The following AKT3 variants were observed in gnomAD, a reference collection of about 807,000 sequenced individuals.
AKT3 encodes the protein AKT serine/threonine kinase 3.
AKT3 carries 15 observed loss-of-function variants against 65.3 expected under a neutral mutation model. The observed-to-expected ratio is 0.23, with a 90% CI of 0.15 to 0.35. AKT3 has a LOEUF of 0.35. AKT3 is among the 10% of genes least tolerant of loss of function. The probability of loss-of-function intolerance (pLI) is 1.00; values close to 1 mark genes in which losing one functional copy is unlikely to be tolerated. For missense variants in AKT3, 243 were observed against 576.5 expected (o/e 0.42, Z 5.92); for synonymous variants, 206 against 183.8 (o/e 1.12, Z -0.98).
At chr1:243,516,423 C>T (rs1670357857) in intron 12 of AKT3, among the ~76,000 whole-genome samples, 1 of 152,092 alleles carries the variant, frequency 6.6e-6, no homozygotes, top group African/African-American at 2.4e-5. Context: ...TTCTCAAAAG[C>T]CCAGTTTTCC....
chr1:243,543,251 A>G (rs1672438236), intron 12 of AKT3, among the ~76,000 whole-genome samples: 1 of 152,126 alleles, frequency 6.6e-6, no homozygotes, highest in African/African-American at 2.4e-5. Context: ...CCTTACTGGT[A>G]TACTGGTTGG....
At chr1:243,608,985 C>T (rs1677659108) in intron 8 of AKT3, among the ~76,000 whole-genome samples, 1 of 151,688 alleles carries the variant, frequency 6.6e-6, no homozygotes, top group South Asian at 2.1e-4. Context: ...AACTCCTGAC[C>T]TCGTGATCTG....
rs569333009 is a variant in AKT3 at position 243,492,226 on chromosome 1, C to T, written c.*7-3776G>A. Among the ~76,000 whole-genome samples the T allele has an allele frequency of 3.0e-4, 46 of 151,914 alleles. 2 individuals are homozygous for T. The South Asian group carries it at 8.6e-3, about 28-fold the overall frequency. ...TGGCCACGAGAACCCCCATCCTCCC[C>T]GCTCCCCGGCGCTGTCTGCGGTGGG... On this transcript the variant is annotated intron_variant, in intron 13 of 13. Transcript: ENST00000336199.
chr1:243,615,174 A>T lies in AKT3; in HGVS notation c.562-13T>A. The T allele has an allele frequency of 6.3e-7, 1 of 1,597,890 alleles. No individual in the cohort carries two copies. Among genetic ancestry groups the T allele is most frequent in the Non-Finnish European group, 8.5e-7 (1 of 1,169,850 alleles). On this transcript the variant is annotated splice_polypyrimidine_tract_variant and intron_variant, in intron 6 of 13. Transcript: ENST00000673466. ...GTGCCACTTCATCCTACAAAAGAAAAAAAGCAAACCTTCAATATATGTTTT... is the reference window on the plus strand; with the variant it reads ...GTGCCACTTCATCCTACAAAAGAAATAAAGCAAACCTTCAATATATGTTTT...
At chr1:243,753,998 C>T (rs1688970880) in intron 2 of AKT3, among the ~76,000 whole-genome samples, 1 of 152,146 alleles carries the variant, frequency 6.6e-6, no homozygotes, top group African/African-American at 2.4e-5. Flanking sequence ...GTCTTATTCT[C>T]TGGGTAGATA....
intron 2 of AKT3, among the ~76,000 whole-genome samples, chr1:243,731,964 CA>C (rs1281131364): frequency 6.6e-6 from 1 of 152,204 alleles, no homozygotes. Context: ...ACCACCTTCA[CA>C]ATTTGTGTCA....
chr1:243,773,944 C>G (rs767560132), intron 2 of AKT3, among the ~76,000 whole-genome samples: 1 of 152,154 alleles, frequency 6.6e-6, no homozygotes, highest in African/African-American at 2.4e-5. Context: ...GTTTATTCAT[C>G]ATTTTTAAGA....
chr1:243,667,468 T>C (rs921224623), intron 3 of AKT3, among the ~76,000 whole-genome samples: 2 of 152,134 alleles, frequency 1.3e-5, no homozygotes, highest in Non-Finnish European at 2.9e-5. Context: ...GAGTCCTCTC[T>C]TCCCTGACAT....
chr1:243,846,369 G>C (rs1695523502), intron 1 of AKT3, among the ~76,000 whole-genome samples: 2 of 151,808 alleles, frequency 1.3e-5, no homozygotes, highest in South Asian at 4.2e-4. Context: ...ATCTAATATA[G>C]GGAAGAAAAA....
chr1:243,797,726 T>C (rs1692109181), intron 2 of AKT3, among the ~76,000 whole-genome samples: 1 of 152,070 alleles, frequency 6.6e-6, no homozygotes. Context: ...CATAAAGGAA[T>C]GCCTGATAAC....
intron 2 of AKT3, among the ~76,000 whole-genome samples, chr1:243,779,717 T>C (rs1360066379): frequency 6.6e-6 from 1 of 152,088 alleles, no homozygotes; most frequent in Non-Finnish European, 1.5e-5. Flanking sequence ...AAGTTAATAC[T>C]ATTTTCCACT....
At chr1:243,506,440 T>G (rs1669672944) in intron 13 of AKT3, among the ~76,000 whole-genome samples, 1 of 152,248 alleles carries the variant, frequency 6.6e-6, no homozygotes, top group Non-Finnish European at 1.5e-5. Flanking sequence ...ATCCGCTGGA[T>G]GTGGGTGTAA....
At chr1:243,828,292 T>C (rs1694298071) in intron 2 of AKT3, among the ~76,000 whole-genome samples, 1 of 152,164 alleles carries the variant, frequency 6.6e-6, no homozygotes, top group South Asian at 2.1e-4. Flanking sequence ...CCATATAAAG[T>C]AGGCACTTTT....
Position 243,504,655 on chromosome 1 carries a change from T to G in AKT3, c.*594A>C, listed in dbSNP as rs1669547122. ...AAAAAATTATATATATATATATATATCCCAACAGTTGTTCAGTCCTTCTAC... is the reference window on the plus strand; with the variant it reads ...AAAAAATTATATATATATATATATAGCCCAACAGTTGTTCAGTCCTTCTAC... On this transcript the variant is annotated 3_prime_UTR_variant, in exon 14 of 14. Coordinates refer to ENST00000673466, the MANE Select transcript of AKT3 (RefSeq NM_005465.7). 5.8e-6 allele frequency: 1 copy of G among 173,870 alleles called. No homozygotes were observed. The highest frequency in any genetic ancestry group is 2.4e-5 in the African/African-American group (1 of 41,620). The allele number at this position is 173,870 out of a possible 1,614,324, so 10.8% of individuals were successfully genotyped here.
intron 12 of AKT3, 40 bp from the exon 13 acceptor site, chr1:243,512,466 A>C: frequency 8.3e-7 from 1 of 1,206,804 alleles, no homozygotes; most frequent in Non-Finnish European, 1.2e-6. Flanking sequence ...AACTGATTTC[A>C]ATTCAGGAAA....
intron 2 of AKT3, 135 bp from the exon 3 acceptor site, chr1:243,695,851 T>C (rs1181744697): frequency 3.1e-6 from 2 of 647,530 alleles, no homozygotes; most frequent in Non-Finnish European, 4.4e-6. Flanking sequence ...TCTTTTAACT[T>C]AGCTTACAAA....
In AKT3 at chr1:243,502,929, G is replaced by A. The variant is rs1037049717; in HGVS notation, c.*2320C>T. ...ACAAAAAGCTGTGTGCTTAGTGTTC[G>A]GTGTCATGCTTTCCCTCTAGAGGAG... On this transcript the variant is annotated 3_prime_UTR_variant, in exon 14 of 14. Coordinates refer to ENST00000673466, the MANE Select transcript of AKT3 (RefSeq NM_005465.7). 1.3e-5 allele frequency: 3 copies of A among 233,132 alleles called. No homozygotes were observed. Among genetic ancestry groups the A allele is most frequent in the African/African-American group, 2.2e-5 (1 of 45,330 alleles). The allele number at this position is 233,132 out of a possible 1,614,324, so 14.4% of individuals were successfully genotyped here.
Position 243,682,282 on chromosome 1 carries a change from C to T in AKT3, c.172+13309G>A, listed in dbSNP as rs374634018. Among the ~76,000 whole-genome samples, 14 of 152,148 alleles carry T rather than the reference C, an allele frequency of 9.2e-5. No homozygotes were observed. The East Asian group carries it at 2.3e-3, about 25-fold the overall frequency. On this transcript the variant is annotated intron_variant, in intron 3 of 13. Transcript: ENST00000673466. ...CACCCTCCACTTCCCATCCACAATA[C>T]TCCAACTTCCCTACATACAAGAAGG...
chr1:243,578,258 A>G (rs907824350), intron 8 of AKT3, among the ~76,000 whole-genome samples: 2 of 152,198 alleles, frequency 1.3e-5, no homozygotes, highest in African/African-American at 2.4e-5. Flanking sequence ...CAGCACTATC[A>G]CAATAGCAAA....
Sources: gnomAD v4.1 joint callset for allele counts (sites outside exome capture counted in the v4.1 genomes callset) on GRCh38, gnomAD v4.1.1 for gene constraint, MANE v1.5 for transcripts, NCBI Gene and HGNC (gene_info 2026-07-23, HGNC 2026-07-21) for gene names.